The following ABI3BP variants were observed in gnomAD, a reference collection of about 807,000 sequenced individuals.
ABI3BP encodes ABI family member 3 binding protein.
Under a neutral mutation model 268.6 loss-of-function variants are expected in ABI3BP, and 216 were observed. The observed-to-expected ratio is 0.80, with a 90% CI of 0.72 to 0.90. The LOEUF (loss-of-function observed/expected upper bound fraction) is 0.90. Among genes scored for constraint, ABI3BP ranks in the 40% least tolerant of loss-of-function variants. ABI3BP has a pLI of 0.00. For missense variants in ABI3BP, 2,090 were observed against 2,182.4 expected (o/e 0.96, Z 0.84); for synonymous variants, 730 against 730.0 (o/e 1.00, Z 0.00).
chr3:100,866,788 T>G (rs2099054571), intron 10 of ABI3BP, 91 bp downstream of exon 10: 1 of 1,048,714 alleles, frequency 9.5e-7, no homozygotes. Flanking sequence ...TATTTCCTAC[T>G]GGCTCTTTAC....
chr3:100,954,940 C>T (rs1228908410), intron 1 of ABI3BP, among the ~76,000 whole-genome samples: 9 of 148,826 alleles, frequency 6.0e-5, no homozygotes, highest in African/African-American at 1.2e-4. Flanking sequence ...CAAAAGTAAA[C>T]GTGTTTATCA....
chr3:100,978,552 C>T (rs376609648), intron 1 of ABI3BP, among the ~76,000 whole-genome samples: 7 of 152,122 alleles, frequency 4.6e-5, no homozygotes, highest in Middle Eastern at 3.2e-3. Context: ...TTATGTCAAG[C>T]GAGTGCTGCC....
At chr3:100,864,970 A>T (rs190715482) in intron 10 of ABI3BP, 63 bp from the exon 11 acceptor site, 685 of 1,271,778 alleles carry the variant, frequency 5.4e-4, no homozygotes, top group Middle Eastern at 3.2e-3. Flanking sequence ...AGACCAGGAG[A>T]CACATCCTGT....
At chr3:100,931,981 C>T (rs1447090587) in intron 1 of ABI3BP, among the ~76,000 whole-genome samples, 1 of 152,004 alleles carries the variant, frequency 6.6e-6, no homozygotes, top group Non-Finnish European at 1.5e-5. Flanking sequence ...GTAACCAAAA[C>T]GGCATGGTAC....
chr3:100,752,010 A>C (rs2095358748), intron 66 of ABI3BP, among the ~76,000 whole-genome samples: 1 of 152,194 alleles, frequency 6.6e-6, no homozygotes, highest in Non-Finnish European at 1.5e-5. Context: ...TCTGGGCCAT[A>C]CTGGTGGAAC....
chr3:100,929,796 T>A (rs1442872857), intron 1 of ABI3BP, among the ~76,000 whole-genome samples: 2 of 151,996 alleles, frequency 1.3e-5, no homozygotes, highest in East Asian at 3.9e-4. Flanking sequence ...CCCTCTATCT[T>A]TGGTTTGCCT....
chr3:100,777,130 G>A (rs1045940352), intron 59 of ABI3BP, among the ~76,000 whole-genome samples: 8 of 152,212 alleles, frequency 5.3e-5, no homozygotes, highest in Non-Finnish European at 7.3e-5. Context: ...CACATGGGAC[G>A]TCCTACAAGC....
intron 58 of ABI3BP, chr3:100,778,675 C>A (rs557219536): frequency 2.6e-4 from 76 of 293,142 alleles, no homozygotes; most frequent in African/African-American, 1.6e-3. Flanking sequence ...ATTCAAACAA[C>A]TGTGGATGGA....
intron 4 of ABI3BP, among the ~76,000 whole-genome samples, chr3:100,897,852 T>TA (rs1371319049): frequency 6.6e-6 from 1 of 152,216 alleles, no homozygotes; most frequent in Non-Finnish European, 1.5e-5. Flanking sequence ...TGAATGTATT[T>TA]AAAATAGAAA....
Position 100,874,195 on chromosome 3 carries a change from G to A in ABI3BP, c.910+646C>T, listed in dbSNP as rs376577815. On this transcript the variant is annotated intron_variant, in intron 9 of 67. Transcript: ENST00000471714. ...GTAATTCGGGAGGTGGGTTGGTGGT[G>A]GGGGGTGGTGGGCAGCAGTCTTTGT... is the stretch of plus-strand genomic sequence containing the variant. 6.6e-4 allele frequency among the ~76,000 whole-genome samples: 100 copies of A among 152,140 alleles called. No homozygotes were observed. In the East Asian group the frequency reaches 0.015, roughly 23 times the overall value.
At chr3:100,973,117 C>T (rs2084457834) in intron 1 of ABI3BP, among the ~76,000 whole-genome samples, 1 of 152,152 alleles carries the variant, frequency 6.6e-6, no homozygotes, top group African/African-American at 2.4e-5. Context: ...TCTGGAGTTT[C>T]TGAGCACAAG....
At chr3:100,904,679 A>G (rs548462818) in intron 2 of ABI3BP, among the ~76,000 whole-genome samples, 1 of 152,366 alleles carries the variant, frequency 6.6e-6, no homozygotes, top group South Asian at 2.1e-4. Flanking sequence ...ATCGCTGGCC[A>G]TCAGAGAAAT....
chr3:100,792,738 A>G lies in ABI3BP; in HGVS notation c.3977T>C (p.Phe1326Ser), dbSNP rs2097232511. The change falls in exon 55 of 68, where the codon TTC becomes TCC. Residue 1326 changes from phenylalanine to serine, a missense_variant. Physicochemically the swap from Phe to Ser is radical, Grantham distance 155. Transcript: ENST00000471714. ...AGTTGTTCGTGGAATCTTAGTTGTG[A>G]AAGGTTCTTGGGTGGATTGGTCTGT... ...EETDQSTQEPFTTKIPRTTEL... is the reference protein window; with the variant it reads ...EETDQSTQEPSTTKIPRTTEL... 1 of 1,611,524 alleles carries G rather than the reference A, an allele frequency of 6.2e-7. No homozygotes were observed. The highest frequency in any genetic ancestry group is 1.7e-5 in the Admixed American group (1 of 59,812).
chr3:100,901,072 T>G (rs1252158238), intron 3 of ABI3BP, among the ~76,000 whole-genome samples: 1 of 152,236 alleles, frequency 6.6e-6, no homozygotes. Context: ...TGAAGTACAG[T>G]CTTGAAATAT....
At chr3:100,867,030 T>A in intron 9 of ABI3BP, 74 bp from the exon 10 acceptor site, 3 of 1,130,074 alleles carry the variant, frequency 2.7e-6, no homozygotes, top group Non-Finnish European at 4.0e-6. Flanking sequence ...CATAATCAAG[T>A]AGCAGACTAA....
chr3:100,810,920 G>C (rs1350518830), intron 48 of ABI3BP, among the ~76,000 whole-genome samples: 1 of 152,082 alleles, frequency 6.6e-6, no homozygotes, highest in East Asian at 1.9e-4. Flanking sequence ...CACCAAAAAA[G>C]CATTATCTGA....
chr3:100,772,804 C>T lies in ABI3BP; in HGVS notation c.4531+1801G>A, dbSNP rs939368123. Among the ~76,000 whole-genome samples the T allele has an allele frequency of 7.0e-4, 107 of 152,046 alleles. 1 individual carries two copies. The highest frequency in any genetic ancestry group is 2.1e-4 in the Non-Finnish European group (14 of 67,988). Reference sequence around the variant, plus strand: ...CACCCAAAATAAAATGCAGGCTGGGCGTGGTGGCTCATGCCTATAATCCCA... The same window carrying T: ...CACCCAAAATAAAATGCAGGCTGGGTGTGGTGGCTCATGCCTATAATCCCA... On this transcript the variant is annotated intron_variant, in intron 61 of 67. Coordinates refer to ENST00000471714, the MANE Select transcript of ABI3BP (RefSeq NM_001375547.2).
intron 1 of ABI3BP, among the ~76,000 whole-genome samples, chr3:100,962,391 A>T (rs568811796): frequency 6.6e-6 from 1 of 152,186 alleles, no homozygotes; most frequent in East Asian, 1.9e-4. Flanking sequence ...GCACTATTCC[A>T]TGAATTTCTT....
intron 63 of ABI3BP, 37 bp from the exon 64 acceptor site, chr3:100,754,728 T>C: frequency 1.3e-6 from 2 of 1,522,348 alleles, no homozygotes; most frequent in South Asian, 1.2e-5. Flanking sequence ...TTGTAATACA[T>C]TCTTGAGGGC....
Sources: gnomAD v4.1 joint callset for allele counts (sites outside exome capture counted in the v4.1 genomes callset) on GRCh38, gnomAD v4.1.1 for gene constraint, MANE v1.5 for transcripts, NCBI Gene and HGNC (gene_info 2026-07-23, HGNC 2026-07-21) for gene names.